XRN1: variants seen among roughly 807,000 people sequenced by gnomAD.
XRN1 encodes the protein 5'-3' exoribonuclease 1.
XRN1 carries 67 observed loss-of-function variants against 222.3 expected under a neutral mutation model. That is an observed-to-expected ratio of 0.30 (90% CI 0.25 to 0.37). The LOEUF is 0.37. Ranked by LOEUF, XRN1 falls within the 10% of genes least tolerant of loss-of-function variation. The probability of loss-of-function intolerance (pLI) is 1.00; values close to 1 mark genes in which losing one functional copy is unlikely to be tolerated. For missense variants in XRN1, 1,707 were observed against 2,000.2 expected (o/e 0.85, Z 2.80); for synonymous variants, 643 against 652.4 (o/e 0.99, Z 0.22).
intron 1 of XRN1, among the ~76,000 whole-genome samples, chr3:142,436,258 C>T (rs1181311645): frequency 6.6e-6 from 1 of 152,044 alleles, no homozygotes; most frequent in Non-Finnish European, 1.5e-5. Context: ...ATTAACAGGG[C>T]TTTGGGGAAG....
At chr3:142,421,586 T>G in intron 8 of XRN1, 43 bp from the exon 9 acceptor site, 1 of 1,411,896 alleles carries the variant, frequency 7.1e-7, no homozygotes, top group Non-Finnish European at 9.8e-7. Context: ...AAGCTGACAT[T>G]TTTTCTAAAC....
chr3:142,425,163 A>C, intron 5 of XRN1, 59 bp downstream of exon 5: 1 of 1,199,898 alleles, frequency 8.3e-7, no homozygotes, highest in Non-Finnish European at 1.1e-6. Context: ...TACAAAATGA[A>C]ATCTCTTAGA....
At position 142,432,814 on chromosome 3, in the gene XRN1, T is replaced by C. The variant is rs1396447042; in HGVS notation, c.155A>G (p.His52Arg). 1.9e-6 allele frequency: 3 copies of C among 1,613,994 alleles called. No homozygotes were observed. Among genetic ancestry groups the C allele is most frequent in the Non-Finnish European group, 2.5e-6 (3 of 1,180,004 alleles). The change falls in exon 2 of 41, where the codon CAC (histidine) becomes CGC (arginine). Residue 52 changes from histidine to arginine, a missense_variant. His to Arg is a conservative substitution (Grantham distance 29). Transcript: ENST00000392981. ...GATTTTATCATCTGAAATTCTAAAG[T>C]GAACATCATCATCATTAGGATGGGA... ...QCSHPNDDDVHFRISDDKIFT... is the reference protein window; with the variant it reads ...QCSHPNDDDVRFRISDDKIFT...
chr3:142,357,071 G>A lies in XRN1; in HGVS notation c.3513C>T (p.Asn1171=). The A allele has an allele frequency of 6.2e-7, 1 of 1,613,760 alleles. No homozygotes were observed. The highest frequency in any genetic ancestry group is 1.7e-5 in the Admixed American group (1 of 59,964). Residue 1171 remains asparagine, a synonymous_variant, in exon 31 of 41, where the codon AAC becomes AAT. Transcript: ENST00000392981. ...GYRLPTSALV[N]LSHGSRSETG... is the part of the protein sequence containing the mutation. ...TTTCAGAGCGACTCCCATGAGAAAG[G>A]TTCACCAAGGCACTTGTTGGCAGTC...
At chr3:142,366,724 AC>A (rs1200859273) in intron 27 of XRN1, among the ~76,000 whole-genome samples, 1 of 152,214 alleles carries the variant, frequency 6.6e-6, no homozygotes, top group Non-Finnish European at 1.5e-5. Context: ...AAAGACTACA[AC>A]AGCAAAAGGA....
chr3:142,370,817 T>A (rs6797767), intron 26 of XRN1, among the ~76,000 whole-genome samples, 197 bp from the exon 27 acceptor site: 10,797 of 152,022 alleles, frequency 0.071, 1,285 homozygotes, highest in African/African-American at 0.25. Context: ...AAAGTATTTG[T>A]TGATATAAAT....
chr3:142,332,937 AC>A lies in XRN1; in HGVS notation c.4062+29del, dbSNP rs762929798. The A allele has an allele frequency of 1.2e-5, 19 of 1,608,980 alleles. No individual in the cohort carries two copies. In the African/African-American group the frequency reaches 2.4e-4, roughly 20 times the overall value. ...CATGGTCAACAGTCGAGAAATTACC[AC>A]AGTAAGAAAGTTCCTACAAAATACG... On this transcript the variant is annotated intron_variant, in intron 35 of 40. Transcript: ENST00000392981.
intron 27 of XRN1, among the ~76,000 whole-genome samples, chr3:142,369,866 C>T (rs1232298377): frequency 6.6e-6 from 1 of 151,254 alleles, no homozygotes; most frequent in Non-Finnish European, 1.5e-5. Flanking sequence ...GCCAACATGG[C>T]GAAATGCCGT....
intron 37 of XRN1, among the ~76,000 whole-genome samples, chr3:142,327,228 C>G (rs1350556518): frequency 1.3e-5 from 2 of 152,036 alleles, no homozygotes; most frequent in African/African-American, 2.4e-5. Flanking sequence ...GCGAAAACAC[C>G]AGGTCCTGGT....
intron 25 of XRN1, among the ~76,000 whole-genome samples, chr3:142,373,542 C>G (rs1205767479): frequency 6.6e-6 from 1 of 152,146 alleles, no homozygotes; most frequent in African/African-American, 2.4e-5. Flanking sequence ...GGCACACATC[C>G]TTACATTATT....
chr3:142,346,465 A>G (rs1386092561), intron 33 of XRN1, among the ~76,000 whole-genome samples: 3 of 151,900 alleles, frequency 2.0e-5, no homozygotes, highest in Admixed American at 1.3e-4. Flanking sequence ...GCACATGTTG[A>G]GAGCAGACAC....
Position 142,333,002 on chromosome 3 carries a change from T to G in XRN1, c.4027A>C (p.Ser1343Arg). The G allele has an allele frequency of 6.2e-7, 1 of 1,613,912 alleles. No homozygotes were observed. The highest frequency in any genetic ancestry group is 8.5e-7 in the Non-Finnish European group (1 of 1,179,880). Residue 1343 changes from serine (S) to arginine (R), a missense_variant, in exon 35 of 41, where the codon AGT (serine) becomes CGT (arginine). Ser to Arg is a moderately radical substitution (Grantham distance 110). Coordinates refer to ENST00000392981, the MANE Select transcript of XRN1 (RefSeq NM_001282857.2). Reference sequence around the variant, plus strand: ...GACTGTGGTGACAAATGCTCTTCACTTGGAGGCTCCCCATGATGAGATGAC... The same window carrying G: ...GACTGTGGTGACAAATGCTCTTCACGTGGAGGCTCCCCATGATGAGATGAC... ...VQSSHHGEPPSEEHLSPQSFA... is the reference protein window; with the variant it reads ...VQSSHHGEPPREEHLSPQSFA...
intron 23 of XRN1, among the ~76,000 whole-genome samples, chr3:142,376,995 C>T (rs2067163702): frequency 1.3e-5 from 2 of 151,994 alleles, no homozygotes; most frequent in South Asian, 2.1e-4. Context: ...CAAAATGAGG[C>T]CTCAGTAATT....
intron 1 of XRN1, among the ~76,000 whole-genome samples, chr3:142,443,843 CAAAT>C (rs1264399117): frequency 6.6e-6 from 1 of 152,170 alleles, no homozygotes; most frequent in African/African-American, 2.4e-5. Context: ...CGTCCATCAA[CAAAT>C]GAATGGATAA....
At chr3:142,438,064 A>G (rs1469742068) in intron 1 of XRN1, among the ~76,000 whole-genome samples, 2 of 152,220 alleles carry the variant, frequency 1.3e-5, no homozygotes, top group Non-Finnish European at 2.9e-5. Flanking sequence ...GCAAGGATGT[A>G]GAGAAAAGGG....
chr3:142,322,162 T>C (rs2065372888), intron 37 of XRN1, among the ~76,000 whole-genome samples: 2 of 152,194 alleles, frequency 1.3e-5, no homozygotes, highest in African/African-American at 4.8e-5. Flanking sequence ...TGGGGATAGC[T>C]GAGGGTCTGC....
chr3:142,317,768 C>A (rs1424575073), intron 39 of XRN1, among the ~76,000 whole-genome samples: 1 of 152,304 alleles, frequency 6.6e-6, no homozygotes, highest in East Asian at 1.9e-4. Flanking sequence ...AAGATCTGAA[C>A]CTCTTGGGAA....
At chr3:142,353,061 TTC>T (rs1218594692) in intron 32 of XRN1, among the ~76,000 whole-genome samples, 1 of 152,082 alleles carries the variant, frequency 6.6e-6, no homozygotes, top group Non-Finnish European at 1.5e-5. Context: ...GCAGCACTTT[TTC>T]TCTCTTCTTA....
chr3:142,407,086 A>C (rs1342699674), intron 15 of XRN1, among the ~76,000 whole-genome samples: 1 of 152,214 alleles, frequency 6.6e-6, no homozygotes, highest in Non-Finnish European at 1.5e-5. Flanking sequence ...CTGCGTAAGT[A>C]TATCTCAGCA....
Sources: allele counts gnomAD v4.1 joint callset (sites outside exome capture counted in the v4.1 genomes callset), GRCh38; gene constraint gnomAD v4.1.1; transcripts MANE v1.5; gene names NCBI Gene and HGNC (gene_info 2026-07-23, HGNC 2026-07-21).